The following ALPK2 variants were observed in gnomAD, a reference collection of about 807,000 sequenced individuals.
ALPK2 encodes alpha-protein kinase 2.
Under a neutral mutation model 163.1 loss-of-function variants are expected in ALPK2, and 127 were observed. That is an observed-to-expected ratio of 0.78 (90% CI 0.67 to 0.90). ALPK2 has a LOEUF of 0.90. Ranked by LOEUF, ALPK2 falls within the 40% of genes least tolerant of loss-of-function variation. The pLI is 0.00. For missense variants in ALPK2, 2,360 were observed against 2,589.6 expected, an observed-to-expected ratio of 0.91 and a Z score of 1.92; for synonymous variants, 953 against 959.1, an observed-to-expected ratio of 0.99 and a Z score of 0.12.
intron 3 of ALPK2, among the ~76,000 whole-genome samples, chr18:58,584,108 T>G (rs935444418): frequency 6.6e-6 from 1 of 152,212 alleles, no homozygotes; most frequent in Admixed American, 6.5e-5. Flanking sequence ...AGATGGGAGA[T>G]TGTCATAATT....
Position 58,536,551 on chromosome 18 carries a change from T to C in ALPK2, c.3636A>G (p.Pro1212=), listed in dbSNP as rs763220727. ...EEDSQALSNV[P]SLSDILLEES... ...CTTCCAAAAGGATATCAGAGAGAGATGGAACGTTGCTCAGAGCCTGACTGT... is the reference window on the plus strand; with the variant it reads ...CTTCCAAAAGGATATCAGAGAGAGACGGAACGTTGCTCAGAGCCTGACTGT... Residue 1212 remains proline, a synonymous_variant, in exon 5 of 13, where the codon CCA becomes CCG. Coordinates refer to ENST00000361673, the MANE Select transcript of ALPK2 (RefSeq NM_052947.4). 8 of 1,613,888 alleles carry C rather than the reference T, an allele frequency of 5.0e-6. No homozygotes were observed. The South Asian group carries it at 5.5e-5, about 11-fold the overall frequency.
chr18:58,609,225 C>A (rs2052115243), intron 2 of ALPK2, among the ~76,000 whole-genome samples: 1 of 151,998 alleles, frequency 6.6e-6, no homozygotes, highest in South Asian at 2.1e-4. Context: ...GAGTAGTTAC[C>A]CTGGGGCTTG....
At chr18:58,494,303 C>T (rs4361013) in intron 12 of ALPK2, among the ~76,000 whole-genome samples, 82,182 of 152,006 alleles carry the variant, frequency 0.54, 22,650 homozygotes, top group Admixed American at 0.63. Flanking sequence ...GTGGCTGAGG[C>T]ACAGGGGATG....
chr18:58,528,748 A>T (rs1289687536), intron 6 of ALPK2: 1 of 259,000 alleles, frequency 3.9e-6, no homozygotes, highest in East Asian at 1.1e-4. Flanking sequence ...AAATTCACAG[A>T]CATACAGATG....
intron 4 of ALPK2, among the ~76,000 whole-genome samples, chr18:58,543,885 G>A (rs2051704115): frequency 6.6e-6 from 1 of 152,122 alleles, no homozygotes; most frequent in South Asian, 2.1e-4. Context: ...TTTCTAATCA[G>A]GTAAGTTGGA....
At chr18:58,555,145 C>T (rs1307439206) in intron 4 of ALPK2, among the ~76,000 whole-genome samples, 1 of 152,208 alleles carries the variant, frequency 6.6e-6, no homozygotes, top group Admixed American at 6.5e-5. Flanking sequence ...ACAATCTTAA[C>T]ACACAACACT....
chr18:58,536,570 T>G lies in ALPK2; in HGVS notation c.3617A>C (p.Gln1206Pro). Residue 1206 changes from glutamine to proline, a missense_variant, in exon 5 of 13, where the codon CAG (glutamine) becomes CCG (proline). By Grantham distance (76) the Gln-to-Pro change is moderately conservative. Transcript: ENST00000361673. ...GAGAGATGGAACGTTGCTCAGAGCC[T>G]GACTGTCTTCTTCCCCAGCAGTTTC... ...VAETAGEEDS[Q>P]ALSNVPSLSD... 6.2e-7 allele frequency: 1 copy of G among 1,614,090 alleles called. No individual in the cohort carries two copies. Among genetic ancestry groups the G allele is most frequent in the Non-Finnish European group, 8.5e-7 (1 of 1,180,006 alleles).
At chr18:58,491,669 G>C (rs976818109) in intron 12 of ALPK2, among the ~76,000 whole-genome samples, 1 of 152,040 alleles carries the variant, frequency 6.6e-6, no homozygotes, top group Non-Finnish European at 1.5e-5. Flanking sequence ...AATTTTCAGG[G>C]AGACTGATTT....
chr18:58,536,745 G>C lies in ALPK2; in HGVS notation c.3442C>G (p.Leu1148Val), dbSNP rs112151030. The part of the protein sequence containing the change: ...QQQSLSQQGS[L>V]SAPDFQQSLP... ...CTTTGTTGGAAATCAGGTGCAGAAA[G>C]AGAACCCTGCTGGGACAGGCTCTGC... Residue 1148 changes from leucine to valine, a missense_variant, in exon 5 of 13, where the codon CTT becomes GTT. Coordinates refer to ENST00000361673, the MANE Select transcript of ALPK2 (RefSeq NM_052947.4). 330 of 1,614,214 alleles carry C rather than the reference G, an allele frequency of 2.0e-4. 3 individuals carry two copies. In the African/African-American group the frequency reaches 3.7e-3, roughly 18 times the overall value.
chr18:58,504,588 C>T (rs2051452023), intron 10 of ALPK2, among the ~76,000 whole-genome samples: 1 of 152,162 alleles, frequency 6.6e-6, no homozygotes, highest in Admixed American at 6.5e-5. Flanking sequence ...TATTCAGTGG[C>T]CTGTATGTGT....
chr18:58,557,507 A>C (rs187680866), intron 4 of ALPK2, among the ~76,000 whole-genome samples: 27 of 148,630 alleles, frequency 1.8e-4, no homozygotes, highest in Admixed American at 1.7e-3. Flanking sequence ...GAGGCTGTGC[A>C]TTTGTGGGAG....
At chr18:58,560,441 C>T (rs1245326426) in intron 4 of ALPK2, among the ~76,000 whole-genome samples, 1 of 152,188 alleles carries the variant, frequency 6.6e-6, no homozygotes, top group Non-Finnish European at 1.5e-5. Context: ...TGCAGTTGGC[C>T]TGCATCCCTT....
At chr18:58,543,384 G>A (rs1359666448) in intron 4 of ALPK2, 2 of 985,350 alleles carry the variant, frequency 2.0e-6, no homozygotes, top group Non-Finnish European at 2.4e-6. Flanking sequence ...AGGCGGCTAT[G>A]TGTAGACCAC....
In ALPK2 at chr18:58,517,056, C is replaced by T. The variant is rs1221185165; in HGVS notation, c.5792G>A (p.Arg1931His). 9 of 1,614,242 alleles carry T rather than the reference C, an allele frequency of 5.6e-6. No individual in the cohort carries two copies. Among genetic ancestry groups the T allele is most frequent in the African/African-American group, 1.3e-5 (1 of 75,070 alleles). ...EELHFGEGVHRKAFRSTVMHG... is the reference protein window; with the variant it reads ...EELHFGEGVHHKAFRSTVMHG... ...CATCACTGTGCTGCGGAAGGCTTTG[C>T]GGTGAACCCCTTCTCCAAAGTGCAG... The change falls in exon 9 of 13, where the codon CGC (arginine) becomes CAC (histidine). Residue 1931 changes from arginine to histidine, a missense_variant. Coordinates refer to ENST00000361673, the MANE Select transcript of ALPK2 (RefSeq NM_052947.4).
chr18:58,563,866 T>A (rs2051837191), intron 4 of ALPK2, among the ~76,000 whole-genome samples: 1 of 152,160 alleles, frequency 6.6e-6, no homozygotes, highest in South Asian at 2.1e-4. Context: ...ATTAGGCTAA[T>A]TACAGGGCCA....
At chr18:58,507,597 A>C (rs543089049) in intron 10 of ALPK2, among the ~76,000 whole-genome samples, 28 of 152,298 alleles carry the variant, frequency 1.8e-4, no homozygotes, top group Admixed American at 1.6e-3. Context: ...ATGAACACGT[A>C]AGGCTTGTCT....
At chr18:58,562,274 C>T (rs540158949) in intron 4 of ALPK2, among the ~76,000 whole-genome samples, 1 of 152,236 alleles carries the variant, frequency 6.6e-6, no homozygotes, top group Admixed American at 6.5e-5. Flanking sequence ...TTCTGTTTCT[C>T]TCTACCATCA....
intron 1 of ALPK2, among the ~76,000 whole-genome samples, chr18:58,627,790 G>T (rs77277831): frequency 6.6e-6 from 1 of 152,124 alleles, no homozygotes; most frequent in African/African-American, 2.4e-5. Context: ...GATTCGGAAG[G>T]TAACCCACAA....
intron 4 of ALPK2, among the ~76,000 whole-genome samples, chr18:58,548,195 C>A (rs1480083088): frequency 6.6e-6 from 1 of 152,100 alleles, no homozygotes; most frequent in Non-Finnish European, 1.5e-5. Flanking sequence ...CAGTCACCTG[C>A]CTCAGATGCT....
Sources: allele counts gnomAD v4.1 joint callset (sites outside exome capture counted in the v4.1 genomes callset), GRCh38; gene constraint gnomAD v4.1.1; transcripts MANE v1.5; gene names NCBI Gene and HGNC (gene_info 2026-07-23, HGNC 2026-07-21).